Variants in FRY observed in about 807,000 individuals in gnomAD.
The protein encoded by FRY is protein furry homolog.
A neutral mutation model predicts 348.4 loss-of-function variants in FRY; 128 were observed. The ratio of observed to expected loss-of-function variants is 0.37; its 90% CI spans 0.32 to 0.43. The LOEUF (loss-of-function observed/expected upper bound fraction) is 0.43. FRY is among the 20% of genes least tolerant of loss of function. The pLI is 1.00. For missense variants in FRY, 2,736 were observed against 3,695.2 expected, an observed-to-expected ratio of 0.74 and a Z score of 6.73; for synonymous variants, 1,370 against 1,374.7, an observed-to-expected ratio of 1.00 and a Z score of 0.08.
intron 39 of FRY, 54 bp downstream of exon 39, chr13:32,226,028 C>T: frequency 6.6e-7 from 1 of 1,505,812 alleles, no homozygotes; most frequent in Non-Finnish European, 9.2e-7. Flanking sequence ...GCAGAGATAA[C>T]TAACTGCGGG....
At chr13:32,213,349 C>T (rs1351197650) in intron 35 of FRY, among the ~76,000 whole-genome samples, 1 of 152,160 alleles carries the variant, frequency 6.6e-6, no homozygotes, top group East Asian at 1.9e-4. Context: ...CAGGCACCAG[C>T]CAGATTCCTC....
rs748804562 is a variant in FRY at position 32,147,341 on chromosome 13, T to A, written c.1239T>A (p.Val413=). 17 of 1,612,738 alleles carry A rather than the reference T, an allele frequency of 1.1e-5. 1 individual carries two copies. The South Asian group carries it at 1.9e-4, about 18-fold the overall frequency. The change falls in exon 12 of 61, where the codon GTT becomes GTA. Residue 413 remains valine, a synonymous_variant. Coordinates refer to ENST00000542859, the MANE Select transcript of FRY (RefSeq NM_023037.3). Reference sequence around the variant, plus strand: ...AATCTCTCTACAGATTACTTTGGGTTTACATGATTCGAATTAAATGTGAAA... The same window carrying A: ...AATCTCTCTACAGATTACTTTGGGTATACATGATTCGAATTAAATGTGAAA... ...ALESLYRLLW[V]YMIRIKCESN...
At chr13:32,065,339 T>C (rs549256238) in intron 1 of FRY, among the ~76,000 whole-genome samples, 1 of 152,266 alleles carries the variant, frequency 6.6e-6, no homozygotes, top group South Asian at 2.1e-4. Flanking sequence ...AGAGTTTTAC[T>C]CCATTGCCCA....
intron 23 of FRY, among the ~76,000 whole-genome samples, chr13:32,181,455 G>A (rs149698391): frequency 0.012 from 1,865 of 150,884 alleles, 37 homozygotes; most frequent in African/African-American, 0.043. Context: ...TTAGCCAGGC[G>A]TGATGGTGTG....
intron 58 of FRY, among the ~76,000 whole-genome samples, chr13:32,288,655 T>TA (rs1889189693): frequency 6.6e-6 from 1 of 152,216 alleles, no homozygotes; most frequent in Non-Finnish European, 1.5e-5. Context: ...TAGTCCTTGG[T>TA]AAAAGAAAGG....
chr13:32,124,871 G>C lies in FRY; in HGVS notation c.712G>C (p.Ala238Pro). 1 of 1,606,842 alleles carries C rather than the reference G, an allele frequency of 6.2e-7. No homozygotes were observed. The highest frequency in any genetic ancestry group is 1.3e-5 in the African/African-American group (1 of 74,908). Reference protein sequence around the residue: ...YAEVIGVLAQAKFPAVKKKFM... With the variant: ...YAEVIGVLAQPKFPAVKKKFM... ...AGAAGTCATTGGAGTGTTGGCACAA[G>C]CCAAGTAAGTGAATGCCAGAACCCT... Residue 238 changes from alanine to proline, a missense_variant, in exon 7 of 61, where the codon GCC (alanine) becomes CCC (proline). Transcript: ENST00000542859.
chr13:32,073,663 G>T (rs1368866694), intron 1 of FRY, among the ~76,000 whole-genome samples: 15 of 152,132 alleles, frequency 9.9e-5, no homozygotes, highest in Admixed American at 9.8e-4. Context: ...TATCTTCCCA[G>T]TGCCTGGAAC....
chr13:32,191,015 T>C (rs750662503), intron 28 of FRY, among the ~76,000 whole-genome samples: 5 of 152,218 alleles, frequency 3.3e-5, no homozygotes, highest in Non-Finnish European at 7.4e-5. Context: ...ATTATGTATA[T>C]GCATACATGG....
In FRY at chr13:32,124,222, A is replaced by G. The variant is rs1367564897; in HGVS notation, c.465-64A>G. ...ATTAGGGAGGAGTCCTAGATTTTTT[A>G]TGAATTGTATTACTCTGAGAATACC... On this transcript the variant is annotated intron_variant, in intron 4 of 60. Coordinates refer to ENST00000542859, the MANE Select transcript of FRY (RefSeq NM_023037.3). 4 of 995,260 alleles carry G rather than the reference A, an allele frequency of 4.0e-6. No individual in the cohort carries two copies. In the Admixed American group the frequency reaches 7.2e-5, roughly 18 times the overall value. The allele number at this position is 995,260 out of a possible 1,614,324, so 61.7% of individuals were successfully genotyped here.
intron 31 of FRY, among the ~76,000 whole-genome samples, chr13:32,204,136 C>T (rs1451948425): frequency 6.6e-6 from 1 of 152,190 alleles, no homozygotes; most frequent in African/African-American, 2.4e-5. Context: ...GTCAGGCAAC[C>T]TTTCACTAGT....
chr13:32,225,898 C>T lies in FRY; in HGVS notation c.5130C>T (p.Leu1710=). 6.2e-7 allele frequency: 1 copy of T among 1,614,206 alleles called. No individual in the cohort carries two copies. ...ATTTCCATTCCATTGCTTCCGTGCT[C>T]CTGCAGACCCGAGAGATGGGTGAAG... ...NSNFHSIASV[L]LQTREMGEAK... Residue 1710 remains leucine, a synonymous_variant, in exon 39 of 61, where the codon CTC becomes CTT. Coordinates refer to ENST00000542859, the MANE Select transcript of FRY (RefSeq NM_023037.3).
chr13:32,105,812 T>C (rs1387795766), intron 3 of FRY, among the ~76,000 whole-genome samples: 2 of 152,150 alleles, frequency 1.3e-5, no homozygotes, highest in Admixed American at 6.5e-5. Flanking sequence ...CTTCTAAATG[T>C]CACTGGCATG....
chr13:32,064,646 C>T (rs374300293), intron 1 of FRY, among the ~76,000 whole-genome samples: 25 of 152,274 alleles, frequency 1.6e-4, no homozygotes, highest in African/African-American at 4.8e-4. Context: ...CTCCTAAATT[C>T]GTGTGCTCAT....
chr13:32,125,922 C>T (rs1010210816), intron 7 of FRY, among the ~76,000 whole-genome samples: 3 of 151,908 alleles, frequency 2.0e-5, no homozygotes, highest in Non-Finnish European at 4.4e-5. Context: ...CTGGTGGCAA[C>T]AGAAAGGAAA....
chr13:32,075,777 G>A (rs528076131), intron 1 of FRY, among the ~76,000 whole-genome samples: 204 of 152,174 alleles, frequency 1.3e-3, no homozygotes, highest in Non-Finnish European at 2.6e-3. Context: ...ACTTGGAAGT[G>A]GACCTAGTTC....
At chr13:32,235,569 A>G (rs1593781126) in intron 42 of FRY, among the ~76,000 whole-genome samples, 2 of 152,210 alleles carry the variant, frequency 1.3e-5, no homozygotes, top group African/African-American at 4.8e-5. Flanking sequence ...GGTTGCAGTA[A>G]CCCAAATCGT....
intron 4 of FRY, among the ~76,000 whole-genome samples, chr13:32,120,726 A>T (rs891169387): frequency 2.6e-5 from 4 of 152,118 alleles, no homozygotes; most frequent in Admixed American, 6.5e-5. Context: ...CAATGGCATG[A>T]TCTCAGCTCA....
intron 58 of FRY, among the ~76,000 whole-genome samples, chr13:32,285,178 T>G (rs978002061): frequency 2.0e-5 from 3 of 152,166 alleles, no homozygotes; most frequent in Non-Finnish European, 4.4e-5. Context: ...AAAACACAGA[T>G]AAGTTTATAA....
intron 13 of FRY, among the ~76,000 whole-genome samples, chr13:32,148,483 T>C (rs951014612): frequency 1.3e-5 from 2 of 152,240 alleles, no homozygotes; most frequent in Non-Finnish European, 2.9e-5. Flanking sequence ...TCCAGTAATA[T>C]TAAACATAGT....
Sources: gnomAD v4.1 joint callset for allele counts (sites outside exome capture counted in the v4.1 genomes callset) on GRCh38, gnomAD v4.1.1 for gene constraint, MANE v1.5 for transcripts, NCBI Gene and HGNC (gene_info 2026-07-23, HGNC 2026-07-21) for gene names.